TCP1: variants seen among roughly 807,000 people sequenced by gnomAD.
The protein encoded by TCP1 is T-complex protein 1 subunit alpha.
TCP1 carries 6 observed loss-of-function variants against 54.7 expected under a neutral mutation model. That is an observed-to-expected ratio of 0.11 (90% CI 0.06 to 0.22). TCP1 has a LOEUF of 0.22. Among genes scored for constraint, TCP1 ranks in the 10% least tolerant of loss-of-function variants. The pLI, the probability that TCP1 is intolerant of heterozygous loss-of-function variation, is 1.00. For synonymous variants in TCP1, 225 were observed against 229.7 expected (o/e 0.98, Z 0.19); for missense variants, 511 against 678.2 (o/e 0.75, Z 2.74).
intron 2 of TCP1, 69 bp from the exon 3 acceptor site, chr6:159,787,940 T>G: frequency 6.2e-7 from 1 of 1,607,262 alleles, no homozygotes; most frequent in Non-Finnish European, 8.5e-7. Flanking sequence ...TAATACACGT[T>G]CACCTTTAAT....
intron 3 of TCP1, among the ~76,000 whole-genome samples, 186 bp from the exon 4 acceptor site, chr6:159,786,183 T>C (rs2114996594): frequency 6.6e-6 from 1 of 152,350 alleles, no homozygotes; most frequent in East Asian, 1.9e-4. Flanking sequence ...TCCTCCACGT[T>C]ACTCATAAAT....
chr6:159,787,599 T>C lies in TCP1; in HGVS notation c.279+144A>G, dbSNP rs945308352. 4 of 1,101,154 alleles carry C rather than the reference T, an allele frequency of 3.6e-6. No individual in the cohort carries two copies. In the African/African-American group the frequency reaches 4.8e-5, roughly 13 times the overall value. The allele number at this position is 1,101,154 out of a possible 1,614,324, so 68.2% of individuals were successfully genotyped here. A position where few individuals can be genotyped will look rare whatever the true frequency, so the allele number is the denominator to read the frequency against. On this transcript the variant is annotated intron_variant, in intron 3 of 11. Transcript: ENST00000321394. ...CCCCTCTTAAATGTGTAACTTCTTT[T>C]GTTTTTTCTTCTTGCTCAATCTTCT...
intron 8 of TCP1, among the ~76,000 whole-genome samples, 174 bp downstream of exon 8, chr6:159,780,761 C>A (rs1272872587): frequency 6.6e-6 from 1 of 152,140 alleles, no homozygotes; most frequent in East Asian, 1.9e-4. Flanking sequence ...AAATTTCCAA[C>A]AAAATTTCTC....
intron 9 of TCP1, 62 bp downstream of exon 9, chr6:159,780,381 G>A (rs768079095): frequency 1.9e-6 from 3 of 1,611,794 alleles, no homozygotes; most frequent in Non-Finnish European, 1.7e-6. Context: ...TAAATGGGAA[G>A]AAAACCTACT....
chr6:159,788,288 CCTA>C (rs1230232570), intron 1 of TCP1, 145 bp from the exon 2 acceptor site: 2 of 725,732 alleles, frequency 2.8e-6, no homozygotes. Flanking sequence ...TTAAAAACCA[CCTA>C]CTAAGAGTGT....
chr6:159,789,571 G>A lies in TCP1; in HGVS notation c.-103C>T, dbSNP rs1416723842. 2.9e-6 allele frequency: 4 copies of A among 1,362,186 alleles called. No individual in the cohort carries two copies. The highest frequency in any genetic ancestry group is 2.5e-5 in the East Asian group (1 of 40,418). 84.4% of individuals were successfully genotyped at this position (1,362,186 alleles called of 1,614,324 possible). A position where few individuals can be genotyped will look rare whatever the true frequency, so the allele number is the denominator to read the frequency against. ...CCACAGCAGTGGCTGCGACGGCGTG[G>A]AGCGTACCCGAGCGATGTCCCAGGA... On this transcript the variant is annotated 5_prime_UTR_variant, in exon 1 of 12. Coordinates refer to ENST00000321394, the MANE Select transcript of TCP1 (RefSeq NM_030752.3).
chr6:159,787,157 G>C (rs1352363030), intron 3 of TCP1, among the ~76,000 whole-genome samples: 9 of 152,070 alleles, frequency 5.9e-5, no homozygotes, highest in Non-Finnish European at 1.3e-4. Context: ...GGGAGGCTAA[G>C]GCAGGAGGAT....
chr6:159,785,645 C>G, intron 4 of TCP1, 149 bp from the exon 5 acceptor site: 4 of 808,884 alleles, frequency 4.9e-6, no homozygotes, highest in Non-Finnish European at 8.7e-6. Context: ...AAAACCCTCC[C>G]TCTTCAGATC....
chr6:159,789,172 G>A (rs919709222), intron 1 of TCP1: 46 of 518,898 alleles, frequency 8.9e-5, no homozygotes, highest in Admixed American at 2.0e-4. Flanking sequence ...CCACATCCAC[G>A]CGTTGCCGGT....
At chr6:159,780,293 C>T in intron 9 of TCP1, 150 bp downstream of exon 9, 2 of 1,330,968 alleles carry the variant, frequency 1.5e-6, no homozygotes, top group Non-Finnish European at 2.2e-6. Flanking sequence ...GTTACTTCAT[C>T]TCAATTTACA....
chr6:159,783,710 C>T (rs1030794450), intron 7 of TCP1, among the ~76,000 whole-genome samples: 11 of 152,172 alleles, frequency 7.2e-5, no homozygotes, highest in Non-Finnish European at 1.3e-4. Flanking sequence ...GAGTTCTGTA[C>T]TGCTTTGAGG....
At chr6:159,781,133 G>A (rs774651803) in intron 7 of TCP1, 23 bp from the exon 8 acceptor site, 1 of 1,543,928 alleles carries the variant, frequency 6.5e-7, no homozygotes, top group East Asian at 2.3e-5. Context: ...TTTGTAACCT[G>A]AGTTACCTTC....
Position 159,779,051 on chromosome 6 carries a change from A to G in TCP1, c.1665T>C (p.Asn555=). ...YEDAVHSGAL[N]D is the part of the protein sequence containing the mutation. ...AAATAAAAGGAACATCAGATCAATC[A>G]TTAAGGGCTCCAGAGTGAACAGCAT... Residue 555 remains asparagine, a synonymous_variant, in exon 12 of 12, where the codon AAT becomes AAC. Coordinates refer to ENST00000321394, the MANE Select transcript of TCP1 (RefSeq NM_030752.3). 2 of 1,613,192 alleles carry G rather than the reference A, an allele frequency of 1.2e-6. No homozygotes were observed.
At chr6:159,786,136 G>A (rs547240991) in intron 3 of TCP1, 139 bp from the exon 4 acceptor site, 5 of 643,826 alleles carry the variant, frequency 7.8e-6, no homozygotes, top group African/African-American at 5.4e-5. Context: ...TAGAAACCTG[G>A]GCGTGAAGGG....
At chr6:159,786,539 G>A (rs1424296772) in intron 3 of TCP1, among the ~76,000 whole-genome samples, 2 of 152,086 alleles carry the variant, frequency 1.3e-5, no homozygotes, top group Admixed American at 6.5e-5. Context: ...CCTATATTAA[G>A]CTATTATTTT....
rs781550522 is a variant in TCP1 at position 159,784,843 on chromosome 6, C to G, written c.493G>C (p.Gly165Arg). Reference sequence around the variant, plus strand: ...ACTACCATGTTAGCAAAGAAATCACCATTTCTACGCCAAAAGTTAAGGACA... The same window carrying G: ...ACTACCATGTTAGCAAAGAAATCACGATTTCTACGCCAAAAGTTAAGGACA... ...SMSSKIIGIN[G>R]DFFANMVVDA... Residue 165 changes from glycine to arginine, a missense_variant, in exon 6 of 12, where the codon GGT becomes CGT. Physicochemically the swap from Gly to Arg is moderately radical, Grantham distance 125. Coordinates refer to ENST00000321394, the MANE Select transcript of TCP1 (RefSeq NM_030752.3). 1 of 1,614,064 alleles carries G rather than the reference C, an allele frequency of 6.2e-7. No individual in the cohort carries two copies.
rs1286662274 is a variant in TCP1 at position 159,778,872 on chromosome 6, T to A, written c.*173A>T. On this transcript the variant is annotated 3_prime_UTR_variant, in exon 12 of 12. Transcript: ENST00000321394. Reference sequence around the variant, plus strand: ...CAACCTCAATTTCTTTTTAAACTAATAAAGTACTAGGTTGCAATATGTGAA... The same window carrying A: ...CAACCTCAATTTCTTTTTAAACTAAAAAAGTACTAGGTTGCAATATGTGAA... 3.7e-6 allele frequency: 6 copies of A among 1,612,486 alleles called. No individual in the cohort carries two copies. In the African/African-American group the frequency reaches 5.3e-5, roughly 14 times the overall value.
At position 159,778,794 on chromosome 6, in the gene TCP1, G is replaced by GGGATGGGAATA; in HGVS notation, c.*240_*250dup. 6.2e-7 allele frequency: 1 copy of GGGATGGGAATA among 1,614,162 alleles called. No homozygotes were observed. Among genetic ancestry groups the GGGATGGGAATA allele is most frequent in the Non-Finnish European group, 8.5e-7 (1 of 1,180,032 alleles). ...TGTTGCAGCCCTGTGCATTGGGGGT[G>GGGATGGGAATA]GGATGGGAATAGCAATGTGTGTTCA... On this transcript the variant is annotated 3_prime_UTR_variant, in exon 12 of 12. Coordinates refer to ENST00000321394, the MANE Select transcript of TCP1 (RefSeq NM_030752.3).
Position 159,780,444 on chromosome 6 carries a change from T to G in TCP1, c.1096A>C (p.Asn366His), listed in dbSNP as rs1780549403. 6 of 1,613,672 alleles carry G rather than the reference T, an allele frequency of 3.7e-6. No homozygotes were observed. Among genetic ancestry groups the G allele is most frequent in the Admixed American group, 3.3e-5 (2 of 59,942 alleles). The change falls in exon 9 of 12, where the codon AAT (asparagine) becomes CAT (histidine). Residue 366 changes from asparagine (N) to histidine (H), a missense_variant and splice_region_variant. This residue lies in a region of TCP1 where 305 missense variants were observed against 352.8 expected (regional missense o/e 0.86). Coordinates refer to ENST00000321394, the MANE Select transcript of TCP1 (RefSeq NM_030752.3). Reference protein sequence around the residue: ...ICDDELILIKNTKARTSASII... With the variant: ...ICDDELILIKHTKARTSASII... ...ACAATTTTAGAAAGTGGCTCTTACT[T>G]TTTGATTAAGATCAGCTCATCATCA...
Sources: gnomAD v4.1 joint callset for allele counts (sites outside exome capture counted in the v4.1 genomes callset) on GRCh38, gnomAD v4.1.1 for gene constraint, gnomAD v4.1.1 regional missense constraint, MANE v1.5 for transcripts, NCBI Gene and HGNC (gene_info 2026-07-23, HGNC 2026-07-21) for gene names.